Variants in SLAIN1 observed in about 807,000 individuals in gnomAD.
SLAIN1 encodes SLAIN motif-containing protein 1.
Under a neutral mutation model 55.4 loss-of-function variants are expected in SLAIN1, and 17 were observed. The observed-to-expected ratio is 0.31, with a 90% CI of 0.21 to 0.46. The LOEUF (loss-of-function observed/expected upper bound fraction) is 0.46, where lower values mean the gene tolerates loss of function less well. Ranked by LOEUF, SLAIN1 falls within the 20% of genes least tolerant of loss-of-function variation. The pLI is 1.00. For synonymous variants in SLAIN1, 348 were observed against 337.4 expected (o/e 1.03, Z -0.35); for missense variants, 682 against 785.1 (o/e 0.87, Z 1.57).
intron 5 of SLAIN1, among the ~76,000 whole-genome samples, chr13:77,759,552 G>C (rs185777882): frequency 2.0e-5 from 3 of 151,988 alleles, no homozygotes; most frequent in Non-Finnish European, 4.4e-5. Context: ...ACTTTTCCTC[G>C]TTCAATATGA....
intron 6 of SLAIN1, 132 bp downstream of exon 6, chr13:77,761,242 C>T (rs1874998629): frequency 2.3e-6 from 2 of 859,404 alleles, no homozygotes; most frequent in Non-Finnish European, 3.6e-6. Context: ...CTTGTGCTCT[C>T]CTCCCTTTGA....
chr13:77,718,257 G>GA (rs983778918), intron 1 of SLAIN1, among the ~76,000 whole-genome samples: 2 of 151,584 alleles, frequency 1.3e-5, no homozygotes, highest in Non-Finnish European at 2.9e-5. Flanking sequence ...TTTAAATGAT[G>GA]AAAAAAAATA....
intron 4 of SLAIN1, among the ~76,000 whole-genome samples, chr13:77,751,388 G>A (rs971190717): frequency 1.3e-5 from 2 of 152,122 alleles, no homozygotes; most frequent in African/African-American, 2.4e-5. Context: ...AACAATGGGT[G>A]GGGAAGGATT....
chr13:77,699,147 T>A, intron 1 of SLAIN1: 1 of 1,310,624 alleles, frequency 7.6e-7, no homozygotes, highest in South Asian at 1.3e-5. Flanking sequence ...GACTTGCTTT[T>A]TAAAATGGGG....
At chr13:77,719,467 T>C (rs1272340420) in intron 1 of SLAIN1, 65 bp from the exon 2 acceptor site, 14 of 1,171,124 alleles carry the variant, frequency 1.2e-5, no homozygotes, top group Non-Finnish European at 1.7e-5. Flanking sequence ...CATGTTGCTT[T>C]CCCCAGAGAG....
In SLAIN1 at chr13:77,763,887, C is replaced by G. The variant is rs1310198484; in HGVS notation, c.*667C>G. 6.6e-6 allele frequency: 1 copy of G among 152,630 alleles called. No individual in the cohort carries two copies. The highest frequency in any genetic ancestry group is 1.5e-5 in the Non-Finnish European group (1 of 68,042). The allele number at this position is 152,630 out of a possible 1,614,324, so 9.5% of individuals were successfully genotyped here. A position where few individuals can be genotyped will look rare whatever the true frequency, so the allele number is the denominator to read the frequency against. Reference sequence around the variant, plus strand: ...GAAGCATTGCAAGGAGATAACCAGACAGCAGAATTAAATGGTCCTGTCTTT... The same window carrying G: ...GAAGCATTGCAAGGAGATAACCAGAGAGCAGAATTAAATGGTCCTGTCTTT... On this transcript the variant is annotated 3_prime_UTR_variant, in exon 7 of 7. Transcript: ENST00000418532.
At chr13:77,733,574 A>G (rs551977587) in intron 2 of SLAIN1, among the ~76,000 whole-genome samples, 1 of 152,178 alleles carries the variant, frequency 6.6e-6, no homozygotes, top group Non-Finnish European at 1.5e-5. Flanking sequence ...TTTCATAGCT[A>G]AATTTGAAGA....
At chr13:77,701,857 G>C (rs987248390) in intron 1 of SLAIN1, among the ~76,000 whole-genome samples, 3 of 148,908 alleles carry the variant, frequency 2.0e-5, no homozygotes, top group Non-Finnish European at 4.5e-5. Flanking sequence ...ATGCTGGTGC[G>C]CTGCACCCAC....
chr13:77,711,417 C>G (rs1405506075), intron 1 of SLAIN1, among the ~76,000 whole-genome samples: 1 of 152,126 alleles, frequency 6.6e-6, no homozygotes, highest in Non-Finnish European at 1.5e-5. Context: ...CACAGAAATA[C>G]AAACTACCAT....
At position 77,719,629 on chromosome 13, in the gene SLAIN1, A is replaced by G. The variant is rs759881933; in HGVS notation, c.724A>G (p.Met242Val). The change falls in exon 2 of 7, where the codon ATG becomes GTG. Residue 242 changes from methionine to valine, a missense_variant. Physicochemically the swap from Met to Val is conservative, Grantham distance 21. Coordinates refer to ENST00000418532, the MANE Select transcript of SLAIN1 (RefSeq NM_001242868.2). The stretch of plus-strand genomic sequence containing the variant: ...TGTCCTAGATAACCCAACTCCTGAG[A>G]TGGAAGCAGCGAGACGTTCCCTGTG... ...RHVLDNPTPE[M>V]EAARRSLCFR... The G allele has an allele frequency of 6.2e-7, 1 of 1,613,584 alleles. No homozygotes were observed.
chr13:77,703,144 G>C (rs2091047774), intron 1 of SLAIN1, among the ~76,000 whole-genome samples: 1 of 152,110 alleles, frequency 6.6e-6, no homozygotes, highest in Non-Finnish European at 1.5e-5. Context: ...ACAGAACATT[G>C]AGACTATATA....
chr13:77,704,126 A>G (rs1261441584), intron 1 of SLAIN1, among the ~76,000 whole-genome samples: 5 of 130,192 alleles, frequency 3.8e-5, no homozygotes, highest in African/African-American at 1.5e-4. Flanking sequence ...ATATATATAC[A>G]TATGTTTTAT....
chr13:77,712,046 CTAGG>C (rs1350700206), intron 1 of SLAIN1, among the ~76,000 whole-genome samples: 1 of 152,086 alleles, frequency 6.6e-6, no homozygotes, highest in African/African-American at 2.4e-5. Flanking sequence ...TCTCAATAAA[CTAGG>C]TATTGATGGA....
chr13:77,746,451 G>C (rs745897371), intron 3 of SLAIN1, 63 bp from the exon 4 acceptor site: 7 of 1,378,506 alleles, frequency 5.1e-6, no homozygotes, highest in Non-Finnish European at 6.9e-6. Flanking sequence ...CTAATACTTG[G>C]TTAATTATAA....
intron 1 of SLAIN1, among the ~76,000 whole-genome samples, chr13:77,710,490 A>C (rs2091137284): frequency 6.6e-6 from 1 of 152,234 alleles, no homozygotes; most frequent in South Asian, 2.1e-4. Flanking sequence ...CAAAAGAGAC[A>C]AAGAAGGGCA....
intron 2 of SLAIN1, chr13:77,741,087 G>A (rs956410294): frequency 3.3e-6 from 3 of 907,410 alleles, no homozygotes; most frequent in Non-Finnish European, 4.0e-6. Context: ...AGTGGTTATT[G>A]TGCAGAGTGA....
intron 2 of SLAIN1, among the ~76,000 whole-genome samples, chr13:77,723,652 T>C (rs76724461): frequency 0.056 from 8,501 of 152,286 alleles, 317 homozygotes; most frequent in South Asian, 0.11. Flanking sequence ...CTGATTCTTA[T>C]TTGTGACCTT....
intron 5 of SLAIN1, among the ~76,000 whole-genome samples, chr13:77,758,768 C>T (rs1024087249): frequency 6.6e-6 from 1 of 152,126 alleles, no homozygotes; most frequent in African/African-American, 2.4e-5. Context: ...GTTCTCTATT[C>T]TGTTCAATTG....
In SLAIN1 at chr13:77,746,925, G is replaced by T. The variant is rs207474053; in HGVS notation, c.1258+70G>T. The stretch of plus-strand genomic sequence containing the variant: ...TATATGTGGTCAAGAAATGGTTTTT[G>T]TGTTTTTGTTTTTGTTTTTGAGACA... On this transcript the variant is annotated intron_variant, in intron 4 of 6. Transcript: ENST00000418532. The T allele has an allele frequency of 4.3e-6, 6 of 1,395,080 alleles. No homozygotes were observed. In the East Asian group the frequency reaches 1.2e-4, roughly 27 times the overall value. 86.4% of individuals were successfully genotyped at this position (1,395,080 alleles called of 1,614,324 possible).
Sources: gnomAD v4.1 joint callset for allele counts (sites outside exome capture counted in the v4.1 genomes callset) on GRCh38, gnomAD v4.1.1 for gene constraint, MANE v1.5 for transcripts, NCBI Gene and HGNC (gene_info 2026-07-23, HGNC 2026-07-21) for gene names.